CFAP221: variants seen among roughly 807,000 people sequenced by gnomAD.
CFAP221 encodes cilia- and flagella-associated protein 221.
CFAP221 carries 97 observed loss-of-function variants against 113.1 expected under a neutral mutation model. That is an observed-to-expected ratio of 0.86 (90% CI 0.73 to 1.02). The LOEUF (loss-of-function observed/expected upper bound fraction) is 1.02, where lower values mean the gene tolerates loss of function less well. Ranked by LOEUF, CFAP221 falls within the 50% of genes least tolerant of loss-of-function variation. The pLI is 0.00. For missense variants in CFAP221, 1,025 were observed against 1,013.4 expected (o/e 1.01, Z -0.16); for synonymous variants, 331 against 354.4 (o/e 0.93, Z 0.74).
Position 119,605,329 on chromosome 2 carries a change from G to A in CFAP221, c.1133+40G>A, listed in dbSNP as rs186827887. 1.9e-3 allele frequency: 2,743 copies of A among 1,432,114 alleles called. 8 individuals carry two copies. The highest frequency in any genetic ancestry group is 2.4e-3 in the Non-Finnish European group (2,458 of 1,018,370). The allele number at this position is 1,432,114 out of a possible 1,614,324, so 88.7% of individuals were successfully genotyped here. On this transcript the variant is annotated intron_variant, in intron 11 of 23. Transcript: ENST00000413369. ...ATTGTTTGTATCAAGTGTCAGTACA[G>A]TTATTTTTAGGTGATGATCTTTTAT...
chr2:119,625,755 A>G (rs1686266893), intron 15 of CFAP221, 67 bp downstream of exon 15: 1 of 1,357,718 alleles, frequency 7.4e-7, no homozygotes, highest in Non-Finnish European at 1.0e-6. Flanking sequence ...AACTTTCCTT[A>G]GAATGAAGTT....
intron 7 of CFAP221, among the ~76,000 whole-genome samples, chr2:119,595,617 C>T (rs1372440571): frequency 6.6e-6 from 1 of 152,092 alleles, no homozygotes; most frequent in Non-Finnish European, 1.5e-5. Flanking sequence ...TGCTGGGCAT[C>T]AGACACTGGT....
intron 3 of CFAP221, among the ~76,000 whole-genome samples, chr2:119,557,713 C>T (rs2104528771): frequency 6.6e-6 from 1 of 152,168 alleles, no homozygotes; most frequent in South Asian, 2.1e-4. Flanking sequence ...ACAAAGCACT[C>T]CTAGAAGCCA....
intron 12 of CFAP221, among the ~76,000 whole-genome samples, chr2:119,609,376 A>C (rs1030896592): frequency 6.6e-6 from 1 of 152,220 alleles, no homozygotes; most frequent in Non-Finnish European, 1.5e-5. Context: ...TGGGTGGCTT[A>C]AAACAGCAGA....
chr2:119,607,810 A>T (rs1321027113), intron 11 of CFAP221, among the ~76,000 whole-genome samples: 1 of 152,216 alleles, frequency 6.6e-6, no homozygotes, highest in Non-Finnish European at 1.5e-5. Context: ...TGTTTTTAAG[A>T]TTCATCCACA....
intron 21 of CFAP221, among the ~76,000 whole-genome samples, chr2:119,646,321 A>C (rs998168054): frequency 3.3e-5 from 5 of 152,182 alleles, no homozygotes; most frequent in Non-Finnish European, 5.9e-5. Flanking sequence ...ATAGTTCCAT[A>C]AGCTGTACAG....
chr2:119,590,838 G>A (rs1045200006), intron 7 of CFAP221, among the ~76,000 whole-genome samples: 13 of 152,124 alleles, frequency 8.5e-5, no homozygotes, highest in Non-Finnish European at 1.6e-4. Context: ...GTACTCCTGC[G>A]GACAGGTGAG....
At chr2:119,609,787 G>A (rs938895567) in intron 12 of CFAP221, among the ~76,000 whole-genome samples, 2 of 152,150 alleles carry the variant, frequency 1.3e-5, no homozygotes, top group African/African-American at 4.8e-5. Flanking sequence ...TGGCAGCAGT[G>A]GATGGGTGGG....
intron 6 of CFAP221, among the ~76,000 whole-genome samples, chr2:119,581,654 T>C (rs774752439): frequency 3.2e-4 from 49 of 152,198 alleles, no homozygotes; most frequent in Non-Finnish European, 6.2e-4. Flanking sequence ...GGGAATGGTA[T>C]AGAATAATAC....
intron 23 of CFAP221, among the ~76,000 whole-genome samples, chr2:119,653,524 T>C (rs1208837838): frequency 1.3e-5 from 2 of 152,242 alleles, no homozygotes; most frequent in Non-Finnish European, 2.9e-5. Flanking sequence ...TTATTATATT[T>C]CCGAGTAGAT....
At chr2:119,552,048 A>C (rs1485405066) in intron 3 of CFAP221, among the ~76,000 whole-genome samples, 2 of 152,058 alleles carry the variant, frequency 1.3e-5, no homozygotes, top group Non-Finnish European at 2.9e-5. Flanking sequence ...CATTTTTTAA[A>C]TGATGGCAAC....
chr2:119,583,461 C>G (rs991376322), intron 6 of CFAP221, among the ~76,000 whole-genome samples: 5 of 148,684 alleles, frequency 3.4e-5, no homozygotes, highest in Admixed American at 6.7e-5. Flanking sequence ...GCCACTGTGC[C>G]TGGCCTAGAC....
At chr2:119,595,773 A>G (rs2104644232) in intron 7 of CFAP221, among the ~76,000 whole-genome samples, 1 of 152,212 alleles carries the variant, frequency 6.6e-6, no homozygotes, top group South Asian at 2.1e-4. Context: ...AGACATGGTG[A>G]TGTGACCAGG....
At chr2:119,642,347 A>G (rs1463156931) in intron 21 of CFAP221, among the ~76,000 whole-genome samples, 1 of 152,168 alleles carries the variant, frequency 6.6e-6, no homozygotes, top group Non-Finnish European at 1.5e-5. Flanking sequence ...TTGGGCAGCT[A>G]TAATAAAATA....
chr2:119,552,158 C>CTTTTTT (rs772767971), intron 3 of CFAP221, among the ~76,000 whole-genome samples: 16 of 96,562 alleles, frequency 1.7e-4, no homozygotes, highest in South Asian at 6.5e-4. Context: ...TAAAACTGGC[C>CTTTTTT]TTTTTTTTTT....
chr2:119,549,057 G>T, intron 2 of CFAP221, 28 bp from the exon 3 acceptor site: 1 of 1,391,606 alleles, frequency 7.2e-7, no homozygotes. Flanking sequence ...GATGTCTCAT[G>T]ATGTGCTTAT....
intron 14 of CFAP221, among the ~76,000 whole-genome samples, chr2:119,616,423 A>G (rs1685531395): frequency 6.6e-6 from 1 of 152,216 alleles, no homozygotes; most frequent in Admixed American, 6.5e-5. Context: ...AGTTACTTCT[A>G]GGGAGAACAA....
intron 6 of CFAP221, among the ~76,000 whole-genome samples, chr2:119,564,412 A>T (rs576807925): frequency 2.0e-5 from 3 of 152,296 alleles, no homozygotes; most frequent in Admixed American, 2.0e-4. Flanking sequence ...ATATAAAATA[A>T]TCTATAATAA....
chr2:119,651,942 C>T, intron 22 of CFAP221, 32 bp from the exon 23 acceptor site: 1 of 1,488,384 alleles, frequency 6.7e-7, no homozygotes, highest in African/African-American at 1.4e-5. Context: ...GAAGGAAAAG[C>T]AGTGCCCACT....
Sources: allele counts gnomAD v4.1 joint callset (sites outside exome capture counted in the v4.1 genomes callset), GRCh38; gene constraint gnomAD v4.1.1; transcripts MANE v1.5; gene names NCBI Gene and HGNC (gene_info 2026-07-23, HGNC 2026-07-21).